DIAPH3: variants seen among roughly 807,000 people sequenced by gnomAD.
The protein encoded by DIAPH3 is protein diaphanous homolog 3.
Under a neutral mutation model 144.3 loss-of-function variants are expected in DIAPH3, and 117 were observed. The ratio of observed to expected loss-of-function variants is 0.81; its 90% CI spans 0.70 to 0.95. DIAPH3 has a LOEUF of 0.95. Ranked by LOEUF, DIAPH3 falls within the 40% of genes least tolerant of loss-of-function variation. The pLI, the probability that DIAPH3 is intolerant of heterozygous loss-of-function variation, is 0.00. For missense variants in DIAPH3, 1,421 were observed against 1,412.7 expected (o/e 1.01, Z -0.09); for synonymous variants, 519 against 488.9 (o/e 1.06, Z -0.81).
intron 22 of DIAPH3, among the ~76,000 whole-genome samples, chr13:59,848,402 G>C (rs1027986711): frequency 3.1e-4 from 47 of 149,756 alleles, no homozygotes; most frequent in African/African-American, 1.1e-3. Flanking sequence ...TGCCATGCTG[G>C]TGCGCTGCAC....
chr13:59,812,086 G>A (rs948226080), intron 24 of DIAPH3, among the ~76,000 whole-genome samples: 7 of 152,186 alleles, frequency 4.6e-5, no homozygotes, highest in Admixed American at 2.6e-4. Context: ...ATGTTGTTTC[G>A]GGAGAAGGCT....
chr13:60,085,599 T>C (rs1362728740), intron 4 of DIAPH3, among the ~76,000 whole-genome samples: 1 of 152,160 alleles, frequency 6.6e-6, no homozygotes, highest in Non-Finnish European at 1.5e-5. Flanking sequence ...CTACTGGATA[T>C]CAAGATCAAG....
chr13:59,756,033 C>T (rs967308665), intron 27 of DIAPH3, among the ~76,000 whole-genome samples: 7 of 152,120 alleles, frequency 4.6e-5, no homozygotes, highest in African/African-American at 1.7e-4. Context: ...TTGTGGTTCT[C>T]AAAGTGTGGT....
intron 5 of DIAPH3, among the ~76,000 whole-genome samples, chr13:60,041,935 C>T (rs1241655941): frequency 6.6e-6 from 1 of 152,052 alleles, no homozygotes; most frequent in Non-Finnish European, 1.5e-5. Context: ...TTAAGCACCA[C>T]AATTAACATA....
intron 25 of DIAPH3, among the ~76,000 whole-genome samples, chr13:59,781,599 C>T (rs1174768185): frequency 6.6e-6 from 1 of 152,126 alleles, no homozygotes; most frequent in Non-Finnish European, 1.5e-5. Context: ...GCCACAGAAC[C>T]GGTAGCAAAT....
At chr13:59,680,340 AT>A (rs1426276953) in intron 27 of DIAPH3, among the ~76,000 whole-genome samples, 2 of 152,230 alleles carry the variant, frequency 1.3e-5, no homozygotes, top group African/African-American at 4.8e-5. Flanking sequence ...TAGAATGCCT[AT>A]TAAAAAAATG....
At chr13:59,674,971 G>C (rs1040442501) in intron 27 of DIAPH3, among the ~76,000 whole-genome samples, 1 of 152,196 alleles carries the variant, frequency 6.6e-6, no homozygotes, top group Non-Finnish European at 1.5e-5. Flanking sequence ...GTTCATAAGG[G>C]AAAGGGTAGA....
intron 27 of DIAPH3, among the ~76,000 whole-genome samples, chr13:59,684,924 A>T (rs2033138457): frequency 6.6e-6 from 1 of 152,138 alleles, no homozygotes; most frequent in Non-Finnish European, 1.5e-5. Flanking sequence ...TTTGCTGGGG[A>T]TAAGGTGGGT....
chr13:59,844,341 A>G (rs1283173398), intron 22 of DIAPH3, among the ~76,000 whole-genome samples: 1 of 151,962 alleles, frequency 6.6e-6, no homozygotes, highest in African/African-American at 2.4e-5. Context: ...CGTCTCTACT[A>G]AAAATATAAA....
chr13:59,833,063 G>T, intron 24 of DIAPH3, 44 bp downstream of exon 24: 1 of 1,432,260 alleles, frequency 7.0e-7, no homozygotes, highest in Non-Finnish European at 9.6e-7. Flanking sequence ...AGATAAGATA[G>T]TATAAATAAA....
chr13:59,910,176 T>TTA (rs1555331719), intron 20 of DIAPH3, among the ~76,000 whole-genome samples: 2 of 144,546 alleles, frequency 1.4e-5, no homozygotes, highest in East Asian at 4.3e-4. Context: ...AAAACATAGG[T>TTA]AAAAAAAAAA....
At chr13:60,150,068 CTGGAG>C (rs1951714305) in intron 1 of DIAPH3, among the ~76,000 whole-genome samples, 1 of 152,106 alleles carries the variant, frequency 6.6e-6, no homozygotes, top group Non-Finnish European at 1.5e-5. Context: ...GTTTCCCAGA[CTGGAG>C]TGCAGTGACA....
At chr13:59,742,291 T>C (rs1401115529) in intron 27 of DIAPH3, among the ~76,000 whole-genome samples, 1 of 152,150 alleles carries the variant, frequency 6.6e-6, no homozygotes, top group Non-Finnish European at 1.5e-5. Context: ...AAGTTTTACA[T>C]GACAGGTGAA....
intron 27 of DIAPH3, among the ~76,000 whole-genome samples, chr13:59,675,086 G>C (rs1468570214): frequency 6.6e-6 from 1 of 152,182 alleles, no homozygotes; most frequent in Non-Finnish European, 1.5e-5. Flanking sequence ...TTTAGAGACA[G>C]GGTCTTGCTC....
At chr13:60,002,395 C>T (rs1162833764) in intron 9 of DIAPH3, among the ~76,000 whole-genome samples, 2 of 152,214 alleles carry the variant, frequency 1.3e-5, no homozygotes, top group Admixed American at 6.5e-5. Flanking sequence ...CTCAAGGTTT[C>T]TCTCCTAAAA....
At chr13:59,688,298 T>C (rs2033323180) in intron 27 of DIAPH3, among the ~76,000 whole-genome samples, 1 of 151,996 alleles carries the variant, frequency 6.6e-6, no homozygotes, top group African/African-American at 2.4e-5. Context: ...CTTTATTCTT[T>C]CCCCAAACAT....
chr13:59,856,533 C>T (rs1408265839), intron 22 of DIAPH3, among the ~76,000 whole-genome samples: 2 of 152,172 alleles, frequency 1.3e-5, no homozygotes, highest in African/African-American at 2.4e-5. Flanking sequence ...ACTGTGTCTT[C>T]ACATGGTCTA....
intron 24 of DIAPH3, among the ~76,000 whole-genome samples, chr13:59,825,811 T>C (rs2041375578): frequency 6.6e-6 from 1 of 152,286 alleles, no homozygotes; most frequent in African/African-American, 2.4e-5. Context: ...TTTTCATGTG[T>C]CTTTTGGCTG....
chr13:59,822,877 T>G (rs1362993228), intron 24 of DIAPH3, among the ~76,000 whole-genome samples: 1 of 152,150 alleles, frequency 6.6e-6, no homozygotes, highest in Admixed American at 6.6e-5. Context: ...GCCACTGCAT[T>G]TGATGTACAA....
Sources: allele counts gnomAD v4.1 joint callset (sites outside exome capture counted in the v4.1 genomes callset), GRCh38; gene constraint gnomAD v4.1.1; transcripts MANE v1.5; gene names NCBI Gene and HGNC (gene_info 2026-07-23, HGNC 2026-07-21).